The following PIWIL3 variants were observed in gnomAD, a reference collection of about 807,000 sequenced individuals.
PIWIL3 encodes the protein piwi like RNA-mediated gene silencing 3, also known as piwi-like protein 3.
In PIWIL3, 101 loss-of-function variants were observed where a neutral mutation model predicts 109.7. The observed-to-expected ratio is 0.92, with a 90% CI of 0.78 to 1.09. The LOEUF is 1.09. Among genes scored for constraint, PIWIL3 ranks in the 50% least tolerant of loss-of-function variants. The probability of loss-of-function intolerance (pLI) is 0.00; values close to 1 mark genes in which losing one functional copy is unlikely to be tolerated. For synonymous variants in PIWIL3, 373 were observed against 376.4 expected (o/e 0.99, Z 0.10); for missense variants, 1,031 against 1,072.6 (o/e 0.96, Z 0.54).
chr22:24,751,295 T>C, intron 9 of PIWIL3, 92 bp downstream of exon 9: 1 of 1,277,518 alleles, frequency 7.8e-7, no homozygotes, highest in South Asian at 1.5e-5. Context: ...TGTATGTTTA[T>C]ATGACAAATA....
At chr22:24,762,202 G>A in intron 2 of PIWIL3, 196 bp downstream of exon 2, 1 of 1,012,404 alleles carries the variant, frequency 9.9e-7, no homozygotes, top group Non-Finnish European at 1.3e-6. Flanking sequence ...ATGTGAGAAG[G>A]AAGCAGTGGA....
chr22:24,733,933 C>A (rs1161059472), intron 14 of PIWIL3, 151 bp downstream of exon 14: 5 of 708,972 alleles, frequency 7.1e-6, no homozygotes, highest in Non-Finnish European at 1.1e-5. Context: ...ATAGCTAAAC[C>A]ATGAAAGTTT....
At position 24,724,984 on chromosome 22, in the gene PIWIL3, C is replaced by T. The variant is rs1569095823; in HGVS notation, c.2134G>A (p.Val712Met). ...CCATCTCCCACTCCATCCCGATACA[C>T]AATAACAGAATGTGGCATCGATGAT... ...NESSMPHSVI[V>M]YRDGVGDGQL... Residue 712 changes from valine (V) to methionine (M), a missense_variant, in exon 18 of 21, where the codon GTG becomes ATG. Physicochemically the swap from Val to Met is conservative, Grantham distance 21 (BLOSUM62 1). Coordinates refer to ENST00000616349, the MANE Select transcript of PIWIL3 (RefSeq NM_001255975.1). 2 of 1,614,194 alleles carry T rather than the reference C, an allele frequency of 1.2e-6. No individual in the cohort carries two copies. The highest frequency in any genetic ancestry group is 1.7e-6 in the Non-Finnish European group (2 of 1,180,030).
At chr22:24,769,443 T>C (rs1925997194) in intron 1 of PIWIL3, among the ~76,000 whole-genome samples, 1 of 151,994 alleles carries the variant, frequency 6.6e-6, no homozygotes, top group African/African-American at 2.4e-5. Flanking sequence ...AAACCCCCTC[T>C]CTACTAAAAA....
At position 24,759,983 on chromosome 22, in the gene PIWIL3, C is replaced by T; in HGVS notation, c.109G>A (p.Glu37Lys). ...PRAPGSATTQ[E>K]PPQLQSTPRP... ...GGTGTCGACTGCAACTGAGGGGGCT[C>T]CTGGGTCTGCATGTTTTTGGAAATA... The change falls in exon 3 of 21, where the codon GAG becomes AAG. Residue 37 changes from glutamate to lysine, a missense_variant. Coordinates refer to ENST00000616349, the MANE Select transcript of PIWIL3 (RefSeq NM_001255975.1). 2 of 1,613,962 alleles carry T rather than the reference C, an allele frequency of 1.2e-6. No individual in the cohort carries two copies. The highest frequency in any genetic ancestry group is 1.7e-4 in the Middle Eastern group (1 of 6,060).
chr22:24,723,119 A>T lies in PIWIL3; in HGVS notation c.2357+11T>A, dbSNP rs752976734. 4 of 1,611,528 alleles carry T rather than the reference A, an allele frequency of 2.5e-6. No individual in the cohort carries two copies. The highest frequency in any genetic ancestry group is 1.7e-6 in the Non-Finnish European group (2 of 1,178,148). ...TCATAGAACCATGTGCAAAAAATAC[A>T]GGTGGCTTACCATTCATTCCTAGTC... On this transcript the variant is annotated intron_variant, in intron 19 of 20. Coordinates refer to ENST00000616349, the MANE Select transcript of PIWIL3 (RefSeq NM_001255975.1).
chr22:24,758,757 T>C (rs1246459255), intron 3 of PIWIL3, among the ~76,000 whole-genome samples: 1 of 152,188 alleles, frequency 6.6e-6, no homozygotes. Context: ...ACTAACTACA[T>C]TTTACACATA....
chr22:24,773,703 ATTTTTTT>A (rs61034646), intron 1 of PIWIL3, among the ~76,000 whole-genome samples: 15 of 110,206 alleles, frequency 1.4e-4, no homozygotes, highest in South Asian at 6.0e-4. Context: ...GACACTCTAG[ATTTTTTT>A]TTTTTTTTTT....
intron 16 of PIWIL3, among the ~76,000 whole-genome samples, chr22:24,727,272 T>C (rs1923053303): frequency 6.6e-6 from 1 of 152,258 alleles, no homozygotes; most frequent in Non-Finnish European, 1.5e-5. Flanking sequence ...TTATGCTATA[T>C]GGCTCTGTTG....
chr22:24,762,082 G>T, intron 2 of PIWIL3: 1 of 962,762 alleles, frequency 1.0e-6, no homozygotes, highest in Non-Finnish European at 1.3e-6. Flanking sequence ...CCTTCAGGAA[G>T]TTGCTCATTT....
At chr22:24,724,844 T>A in intron 18 of PIWIL3, 43 bp downstream of exon 18, 1 of 1,583,472 alleles carries the variant, frequency 6.3e-7, no homozygotes. Context: ...AGTGCTGGGA[T>A]TACAGGCATG....
At chr22:24,757,675 C>T (rs1925160567) in intron 4 of PIWIL3, among the ~76,000 whole-genome samples, 10 of 144,836 alleles carry the variant, frequency 6.9e-5, no homozygotes, top group Non-Finnish European at 1.2e-4. Flanking sequence ...CACACACACA[C>T]ACACACACAC....
At chr22:24,744,178 T>TTAAAAAAGAAAAAAAAAAAAAA (rs1924180538) in intron 12 of PIWIL3, among the ~76,000 whole-genome samples, 1 of 34,304 alleles carries the variant, frequency 2.9e-5, no homozygotes, top group Non-Finnish European at 5.7e-5. Context: ...GTGACCGAAT[T>TTAAAAAAGAAAAAAAAAAAAAA]AAAAAAAAAA....
chr22:24,739,772 C>T lies in PIWIL3; in HGVS notation c.1450-3880G>A, dbSNP rs144318819. On this transcript the variant is annotated intron_variant, in intron 12 of 20. Transcript: ENST00000616349. ...GTACAAAACTTACTGGTAATAGGGC[C>T]GGGGGCGGTGGCTCATGCCTGTAAT... is the stretch of plus-strand genomic sequence containing the variant. 5.3e-3 allele frequency among the ~76,000 whole-genome samples: 799 copies of T among 152,150 alleles called. 6 individuals carry two copies. Among genetic ancestry groups the T allele is most frequent in the African/African-American group, 0.017 (722 of 41,502 alleles).
chr22:24,746,219 G>A (rs1924358483), intron 12 of PIWIL3, among the ~76,000 whole-genome samples: 1 of 152,052 alleles, frequency 6.6e-6, no homozygotes, highest in South Asian at 2.1e-4. Context: ...TACTAACACA[G>A]TAAAAAAAGT....
At position 24,759,947 on chromosome 22, in the gene PIWIL3, G is replaced by T. The variant is rs1925316940; in HGVS notation, c.145C>A (p.Gln49Lys). The stretch of plus-strand genomic sequence containing the variant: ...GGTCTAACCACTGGGACTTCCTCCT[G>T]CAGCGGCCGGGGTGTCGACTGCAAC... Reference protein sequence around the residue: ...PQLQSTPRPLQEEVPVVRPLQ... With the variant: ...PQLQSTPRPLKEEVPVVRPLQ... Residue 49 changes from glutamine (Q) to lysine (K), a missense_variant, in exon 3 of 21, where the codon CAG becomes AAG. Physicochemically the swap from Gln to Lys is moderately conservative, Grantham distance 53 (BLOSUM62 1). Coordinates refer to ENST00000616349, the MANE Select transcript of PIWIL3 (RefSeq NM_001255975.1). 1.2e-6 allele frequency: 2 copies of T among 1,614,132 alleles called. No homozygotes were observed. Among genetic ancestry groups the T allele is most frequent in the Non-Finnish European group, 1.7e-6 (2 of 1,180,034 alleles).
At chr22:24,744,195 A>AAAAAAAAAAC (rs1569103624) in intron 12 of PIWIL3, among the ~76,000 whole-genome samples, 2 of 145,986 alleles carry the variant, frequency 1.4e-5, no homozygotes, top group Admixed American at 6.8e-5. Context: ...AAAAAAAAAA[A>AAAAAAAAAAC]AAAAAAAAAA....
At chr22:24,728,531 C>A in intron 14 of PIWIL3, 157 bp from the exon 15 acceptor site, 1 of 621,764 alleles carries the variant, frequency 1.6e-6, no homozygotes, top group Non-Finnish European at 2.6e-6. Context: ...GGTCTAGAGC[C>A]ATGTTATTAA....
intron 19 of PIWIL3, among the ~76,000 whole-genome samples, chr22:24,720,432 C>T (rs1465770589): frequency 6.6e-6 from 1 of 151,786 alleles, no homozygotes; most frequent in Admixed American, 6.6e-5. Flanking sequence ...CCACCACACC[C>T]GGCTAATTTT....
Sources: allele counts gnomAD v4.1 joint callset (sites outside exome capture counted in the v4.1 genomes callset), GRCh38; gene constraint gnomAD v4.1.1; transcripts MANE v1.5; gene names NCBI Gene and HGNC (gene_info 2026-07-23, HGNC 2026-07-21).